Variants in TMEM114 observed in about 807,000 individuals in gnomAD.
TMEM114 encodes claudin-26.
Under a neutral mutation model 6.2 loss-of-function variants are expected in TMEM114, and 6 were observed. The ratio of observed to expected loss-of-function variants is 0.97; its 90% CI spans 0.53 to 1.91. TMEM114 has a LOEUF of 1.91. Ranked by LOEUF, TMEM114 falls within the 40% of genes most tolerant of loss-of-function variation. The probability of loss-of-function intolerance (pLI) is 0.01; values close to 1 mark genes in which losing one functional copy is unlikely to be tolerated. For synonymous variants in TMEM114, 104 were observed against 73.0 expected (o/e 1.42, Z -2.16); for missense variants, 218 against 158.3 (o/e 1.38, Z -2.02).
At chr16:8,560,482 T>A (rs530382566) in intron 2 of TMEM114, among the ~76,000 whole-genome samples, 1 of 152,142 alleles carries the variant, frequency 6.6e-6, no homozygotes, top group African/African-American at 2.4e-5. Flanking sequence ...GGGTGGCCCA[T>A]CCTCAGCGAC....
chr16:8,560,275 G>A (rs1034761157), intron 2 of TMEM114, among the ~76,000 whole-genome samples: 1 of 152,098 alleles, frequency 6.6e-6, no homozygotes, highest in Non-Finnish European at 1.5e-5. Context: ...TGGGATTACA[G>A]GTGTGAGGCA....
At chr16:8,556,536 T>C (rs1231192127) in intron 2 of TMEM114, among the ~76,000 whole-genome samples, 1 of 152,124 alleles carries the variant, frequency 6.6e-6, no homozygotes, top group Non-Finnish European at 1.5e-5. Context: ...AGTTTGGCTC[T>C]TGTTGCCCAG....
At position 8,540,388 on chromosome 16, in the gene TMEM114, C is replaced by T. The variant is rs537715530; in HGVS notation, n.213-2562G>A. The stretch of plus-strand genomic sequence containing the variant: ...GGTATCATTATATCAACCTCAGTTT[C>T]CTCAACTGTGAAATAAGAGTGATGA... On this transcript the variant is annotated intron_variant and non_coding_transcript_variant, in intron 2 of 2. Coordinates refer to the TMEM114 transcript ENST00000623677. Among the ~76,000 whole-genome samples, 10 of 152,260 alleles carry T rather than the reference C, an allele frequency of 6.6e-5. 1 individual carries two copies. The East Asian group carries it at 1.4e-3, about 21-fold the overall frequency.
At chr16:8,543,429 G>T (rs1451660913) in intron 2 of TMEM114, among the ~76,000 whole-genome samples, 1 of 151,876 alleles carries the variant, frequency 6.6e-6, no homozygotes, top group Non-Finnish European at 1.5e-5. Flanking sequence ...GTGCCCCAGT[G>T]TGACTGAGTC....
At chr16:8,552,639 G>A (rs796965898) in intron 2 of TMEM114, among the ~76,000 whole-genome samples, 11 of 151,602 alleles carry the variant, frequency 7.3e-5, no homozygotes, top group African/African-American at 2.7e-4. Flanking sequence ...TAAGTGAAGG[G>A]TTCAAGGTAC....
At chr16:8,587,085 C>T (rs1175772960) in intron 2 of TMEM114, among the ~76,000 whole-genome samples, 2 of 152,068 alleles carry the variant, frequency 1.3e-5, no homozygotes, top group East Asian at 3.8e-4. Context: ...GAAGTATTTG[C>T]ACCACAGAAA....
At chr16:8,546,635 C>T (rs546312899) in intron 2 of TMEM114, among the ~76,000 whole-genome samples, 11 of 152,276 alleles carry the variant, frequency 7.2e-5, no homozygotes, top group Admixed American at 2.0e-4. Flanking sequence ...CTAACAGCTT[C>T]CCTAAAATTT....
At chr16:8,555,037 C>A (rs140760596) in intron 2 of TMEM114, among the ~76,000 whole-genome samples, 1 of 152,230 alleles carries the variant, frequency 6.6e-6, no homozygotes, top group South Asian at 2.1e-4. Context: ...GGCCTTCCCA[C>A]TCATGGGGTT....
At chr16:8,565,973 G>A (rs189600562), downstream of TMEM114, among the ~76,000 whole-genome samples, 5 of 152,310 alleles carry the variant, frequency 3.3e-5, no homozygotes, top group East Asian at 7.7e-4. Flanking sequence ...GAAAATAGAA[G>A]AGGAGAGGAC....
rs539938289 is a variant in TMEM114 at position 8,573,344 on chromosome 16, G to A, written c.302-1120C>T. The stretch of plus-strand genomic sequence containing the variant: ...ATGTATTTCTCTTGCCTCCTCTCTA[G>A]TAGGATCTGGGGCCATTTCTAGAGA... On this transcript the variant is annotated intron_variant, in intron 2 of 3. Transcript: ENST00000620492. 1.5e-4 allele frequency among the ~76,000 whole-genome samples: 23 copies of A among 152,282 alleles called. 1 individual carries two copies. The highest frequency in any genetic ancestry group is 5.1e-4 in the African/African-American group (21 of 41,564).
At chr16:8,565,894 G>A (rs982194658), downstream of TMEM114, among the ~76,000 whole-genome samples, 1 of 152,214 alleles carries the variant, frequency 6.6e-6, no homozygotes, top group Non-Finnish European at 1.5e-5. Context: ...TGATGCTAAT[G>A]TAGAGCCAGG....
At chr16:8,534,871 C>T (rs907666080), downstream of TMEM114, among the ~76,000 whole-genome samples, 3 of 152,246 alleles carry the variant, frequency 2.0e-5, no homozygotes, top group African/African-American at 7.2e-5. Flanking sequence ...ATTACTGTGT[C>T]TTCCCCATTG....
intron 2 of TMEM114, among the ~76,000 whole-genome samples, chr16:8,578,337 C>T (rs1303470523): frequency 6.6e-6 from 1 of 152,126 alleles, no homozygotes; most frequent in Non-Finnish European, 1.5e-5. Context: ...CCCCGCCTCT[C>T]TTATGTCCTG....
chr16:8,561,935 AGTAAGTGAATG>A (rs1231526796), intron 2 of TMEM114, among the ~76,000 whole-genome samples: 1 of 150,238 alleles, frequency 6.7e-6, no homozygotes, highest in Non-Finnish European at 1.5e-5. Flanking sequence ...TGAGTGAGTG[AGTAAGTGAATG>A]AGTGAATGAG....
chr16:8,550,724 A>T (rs1407944276), intron 2 of TMEM114, among the ~76,000 whole-genome samples: 1 of 150,390 alleles, frequency 6.6e-6, no homozygotes, highest in Non-Finnish European at 1.5e-5. Flanking sequence ...AAGCAAACAA[A>T]CAAACACTGG....
At position 8,569,739 on chromosome 16, in the gene TMEM114, C is replaced by T. The variant is rs1182626028; in HGVS notation, c.*34G>A. The T allele has an allele frequency of 6.6e-7, 1 of 1,523,040 alleles. No homozygotes were observed. The highest frequency in any genetic ancestry group is 8.9e-7 in the Non-Finnish European group (1 of 1,129,176). The allele number at this position is 1,523,040 out of a possible 1,614,324, so 94.3% of individuals were successfully genotyped here. On this transcript the variant is annotated 3_prime_UTR_variant, in exon 4 of 4. Transcript: ENST00000620492. ...CGGTCGGTGAAGCTCCGGGGCCAAGCCCCTCCCTCCCCTCCACGACCCAGC... is the reference window on the plus strand; with the variant it reads ...CGGTCGGTGAAGCTCCGGGGCCAAGTCCCTCCCTCCCCTCCACGACCCAGC...
chr16:8,534,106 A>T (rs1022884904), downstream of TMEM114, among the ~76,000 whole-genome samples: 1 of 152,220 alleles, frequency 6.6e-6, no homozygotes, highest in East Asian at 1.9e-4. Flanking sequence ...CAAGTCATTC[A>T]TCAGAAAATC....
downstream of TMEM114, among the ~76,000 whole-genome samples, chr16:8,568,596 G>T (rs751642829): frequency 6.6e-6 from 1 of 152,172 alleles, no homozygotes; most frequent in Non-Finnish European, 1.5e-5. Context: ...TGATGAAGAC[G>T]ATGATGCCAT....
chr16:8,538,048 T>C (rs751193191), intron 2 of TMEM114, among the ~76,000 whole-genome samples: 21 of 141,460 alleles, frequency 1.5e-4, no homozygotes, highest in Non-Finnish European at 2.5e-4. Context: ...CCTGTAATCC[T>C]GGCACTTTGT....
Sources: allele counts gnomAD v4.1 joint callset (sites outside exome capture counted in the v4.1 genomes callset), GRCh38; gene constraint gnomAD v4.1.1; transcripts MANE v1.5; gene names NCBI Gene and HGNC (gene_info 2026-07-23, HGNC 2026-07-21).